SETX: variants seen among roughly 807,000 people sequenced by gnomAD.
The protein encoded by SETX is senataxin.
A neutral mutation model predicts 227.2 loss-of-function variants in SETX; 90 were observed. The ratio of observed to expected loss-of-function variants is 0.40; its 90% CI spans 0.33 to 0.47. The LOEUF (loss-of-function observed/expected upper bound fraction) is 0.47. Among genes scored for constraint, SETX ranks in the 20% least tolerant of loss-of-function variants. SETX has a pLI of 0.91. For synonymous variants in SETX, 1,210 were observed against 1,113.2 expected, an observed-to-expected ratio of 1.09 and a Z score of -1.73; for missense variants, 3,052 against 3,181.5, an observed-to-expected ratio of 0.96 and a Z score of 0.98.
At chr9:132,283,231 T>G (rs201715558) in intron 19 of SETX, 33 bp downstream of exon 19, 19 of 1,613,522 alleles carry the variant, frequency 1.2e-5, no homozygotes, top group Non-Finnish European at 1.6e-5. Context: ...CTCATAGTAG[T>G]AGTCAAAGTT....
chr9:132,303,314 C>T lies in SETX; in HGVS notation c.5375-2511G>A, dbSNP rs974902176. ...CTGAGATTACAAGTATGAACCACTG[C>T]GTCTGACTTCTACCTTTAAAAAAGC... On this transcript the variant is annotated intron_variant, in intron 11 of 25. Transcript: ENST00000224140. Among the ~76,000 whole-genome samples the T allele has an allele frequency of 9.1e-5, 13 of 143,508 alleles. No individual in the cohort carries two copies. The Admixed American group carries it at 9.3e-4, about 10-fold the overall frequency. The allele number at this position is 143,508 out of a possible 152,430, so 94.1% of individuals were successfully genotyped here.
chr9:132,271,252 T>C (rs1262285639), intron 24 of SETX, among the ~76,000 whole-genome samples: 1 of 150,800 alleles, frequency 6.6e-6, no homozygotes, highest in Non-Finnish European at 1.5e-5. Context: ...AGATTCACAC[T>C]ATGAAATGGG....
Position 132,313,231 on chromosome 9 carries a change from T to C in SETX, c.5275-1375A>G, listed in dbSNP as rs535781354. 5.8e-4 allele frequency among the ~76,000 whole-genome samples: 89 copies of C among 152,170 alleles called. 1 individual carries two copies. Among genetic ancestry groups the C allele is most frequent in the Non-Finnish European group, 9.7e-4 (66 of 68,028 alleles). The stretch of plus-strand genomic sequence containing the variant: ...CACCTTAAAAGGGTATATTTTATGG[T>C]ATAGTATACCTTAATAAAGCTGTTA... On this transcript the variant is annotated intron_variant, in intron 10 of 25. Coordinates refer to ENST00000224140, the MANE Select transcript of SETX (RefSeq NM_015046.7).
At chr9:132,281,357 T>G in intron 20 of SETX, 110 bp downstream of exon 20, 1 of 757,430 alleles carries the variant, frequency 1.3e-6, no homozygotes, top group Non-Finnish European at 2.3e-6. Flanking sequence ...ACTGCTTACT[T>G]TTCCCTCCAA....
At chr9:132,316,314 T>C (rs1298438135) in intron 10 of SETX, among the ~76,000 whole-genome samples, 1 of 152,258 alleles carries the variant, frequency 6.6e-6, no homozygotes, top group Non-Finnish European at 1.5e-5. Flanking sequence ...TTTTTTGCTG[T>C]CGATTTACAA....
In SETX at chr9:132,349,306, C is replaced by T. The variant is rs188406893; in HGVS notation, c.123G>A (p.Leu41=). ...CTTTGTGGTACTCAGCCACACACTC[C>T]AAGCAGTAGCAGAGGTCTTCGTCGG... The part of the protein sequence containing the change: ...QTADEDLCYC[L]ECVAEYHKAR... Residue 41 remains leucine (L), a synonymous_variant, in exon 3 of 26, where the codon TTG becomes TTA. Transcript: ENST00000224140. 1.9e-5 allele frequency: 30 copies of T among 1,614,058 alleles called. No individual in the cohort carries two copies. The highest frequency in any genetic ancestry group is 5.0e-5 in the Admixed American group (3 of 60,000).
chr9:132,342,521 C>T (rs999258753), intron 5 of SETX, among the ~76,000 whole-genome samples, 169 bp downstream of exon 5: 4 of 152,178 alleles, frequency 2.6e-5, no homozygotes, highest in African/African-American at 7.2e-5. Flanking sequence ...CCTCTGAGAT[C>T]CCCTCTTCTT....
At chr9:132,311,612 T>A in intron 11 of SETX, 145 bp downstream of exon 11, 2 of 653,146 alleles carry the variant, frequency 3.1e-6, no homozygotes, top group Non-Finnish European at 5.4e-6. Flanking sequence ...ACTATCCTCA[T>A]TAAGACTTTA....
intron 11 of SETX, among the ~76,000 whole-genome samples, chr9:132,304,914 T>C (rs1218169035): frequency 6.6e-6 from 1 of 150,638 alleles, no homozygotes; most frequent in East Asian, 2.0e-4. Flanking sequence ...GGAGAATCGC[T>C]TGAAGCCAGG....
At chr9:132,313,736 T>C (rs997555302) in intron 10 of SETX, among the ~76,000 whole-genome samples, 2 of 151,926 alleles carry the variant, frequency 1.3e-5, no homozygotes, top group Non-Finnish European at 2.9e-5. Flanking sequence ...CAGAGCATTA[T>C]CAAAGTTAAA....
Position 132,326,620 on chromosome 9 carries a change from G to A in SETX, c.4978C>T (p.His1660Tyr), listed in dbSNP as rs1159002597. 3 of 1,614,172 alleles carry A rather than the reference G, an allele frequency of 1.9e-6. No individual in the cohort carries two copies. Among genetic ancestry groups the A allele is most frequent in the Non-Finnish European group, 2.5e-6 (3 of 1,179,996 alleles). The change falls in exon 10 of 26, where the codon CAT becomes TAT. Residue 1660 changes from histidine (H) to tyrosine (Y), a missense_variant. By Grantham distance (83) the His-to-Tyr change is moderately conservative. Around this residue, in one of 10 missense-constraint regions of SETX, gnomAD observed 1,483 missense variants for 1,312.0 expected, o/e 1.13. Transcript: ENST00000224140. Reference protein sequence around the residue: ...GEMKNSCNVLHPQSPNNSNRQ... With the variant: ...GEMKNSCNVLYPQSPNNSNRQ... ...TTGGAATTATTCGGAGACTGAGGATGAAGAACATTGCACGAATTCTTCATT... is the reference window on the plus strand; with the variant it reads ...TTGGAATTATTCGGAGACTGAGGATAAAGAACATTGCACGAATTCTTCATT...
intron 3 of SETX, among the ~76,000 whole-genome samples, chr9:132,347,950 T>C (rs552129478): frequency 1.3e-5 from 2 of 152,202 alleles, no homozygotes; most frequent in African/African-American, 2.4e-5. Flanking sequence ...GCCAAATATT[T>C]AGAATTATAT....
In SETX at chr9:132,327,331, T is replaced by C. The variant is rs1177744707; in HGVS notation, c.4267A>G (p.Thr1423Ala). 3 of 1,614,194 alleles carry C rather than the reference T, an allele frequency of 1.9e-6. No individual in the cohort carries two copies. The highest frequency in any genetic ancestry group is 2.5e-6 in the Non-Finnish European group (3 of 1,180,030). ...LIKCMPSEPE[T>A]IKAKHGSPAT... ...GGAGACCCATGTTTTGCTTTTATGG[T>C]TTCTGGTTCAGAAGGCATGCATTTT... Residue 1423 changes from threonine (T) to alanine (A), a missense_variant, in exon 10 of 26, where the codon ACC becomes GCC. Transcript: ENST00000224140.
rs751428250 is a variant in SETX at position 132,328,016 on chromosome 9, C to A, written c.3582G>T (p.Val1194=). 1 of 1,613,992 alleles carries A rather than the reference C, an allele frequency of 6.2e-7. No individual in the cohort carries two copies. Among genetic ancestry groups the A allele is most frequent in the Non-Finnish European group, 8.5e-7 (1 of 1,179,978 alleles). The change falls in exon 10 of 26, where the codon GTG becomes GTT. Residue 1194 remains valine (V), a synonymous_variant. Coordinates refer to ENST00000224140, the MANE Select transcript of SETX (RefSeq NM_015046.7). ...GQSDTNKRDL[V]GNDFKSIDRR... ...TATCAATACTTTTAAAATCATTTCC[C>A]ACAAGATCTCTCTTATTAGTATCAG...
Position 132,328,068 on chromosome 9 carries a change from G to A in SETX, c.3530C>T (p.Ser1177Leu). 2 of 1,614,138 alleles carry A rather than the reference G, an allele frequency of 1.2e-6. No homozygotes were observed. Among genetic ancestry groups the A allele is most frequent in the Non-Finnish European group, 1.7e-6 (2 of 1,180,028 alleles). Residue 1177 changes from serine to leucine, a missense_variant, in exon 10 of 26, where the codon TCA becomes TTA. Transcript: ENST00000224140. ...CTGGCCCTCATTTCTGACAGAAGAT[G>A]AAGGCCTCACAGGATCTTCAGCCAT... ...KPMAEDPVRP[S>L]SSVRNEGQSD...
rs1847475827 is a variant in SETX at position 132,334,643 on chromosome 9, T to G, written c.803A>C (p.Gln268Pro). ...CCTCTCCATAGTGTGAAGTATCGAT[T>G]GCATAAAATCATTTTGTTTGTCTGA... ...LGSDKQNDFMQSILHTMEREA... is the reference protein window; with the variant it reads ...LGSDKQNDFMPSILHTMEREA... The change falls in exon 7 of 26, where the codon CAA becomes CCA. Residue 268 changes from glutamine (Q) to proline (P), a missense_variant. By Grantham distance (76) the Gln-to-Pro change is moderately conservative. This residue lies in a region of SETX where 239 missense variants were observed against 240.8 expected (regional missense o/e 0.99). Coordinates refer to ENST00000224140, the MANE Select transcript of SETX (RefSeq NM_015046.7). The G allele has an allele frequency of 6.2e-7, 1 of 1,614,118 alleles. No homozygotes were observed. Among genetic ancestry groups the G allele is most frequent in the Non-Finnish European group, 8.5e-7 (1 of 1,179,992 alleles).
chr9:132,300,051 A>C (rs1589675969), intron 12 of SETX, among the ~76,000 whole-genome samples: 1 of 144,862 alleles, frequency 6.9e-6, no homozygotes, highest in South Asian at 2.2e-4. Flanking sequence ...AATCGCTTGA[A>C]CCCAAGAGGC....
rs149546633 is a variant in SETX at position 132,328,617 on chromosome 9, T to A, written c.2981A>T (p.Asp994Val). Residue 994 changes from aspartate to valine, a missense_variant, in exon 10 of 26, where the codon GAT (aspartate) becomes GTT (valine). Physicochemically the swap from Asp to Val is radical, Grantham distance 152 (BLOSUM62 -3). Around this residue, in one of 10 missense-constraint regions of SETX, gnomAD observed 1,483 missense variants for 1,312.0 expected, o/e 1.13. Transcript: ENST00000224140. The stretch of plus-strand genomic sequence containing the variant: ...TTGGTTAGCTGTGAAACATCTTTTA[T>A]CTTCTTTTACTTTCCTTTGCAGCTG... ...SSQLQRKVKE[D>V]KRCFTANQNN... 6.2e-7 allele frequency: 1 copy of A among 1,613,646 alleles called. No homozygotes were observed. The highest frequency in any genetic ancestry group is 1.7e-5 in the Admixed American group (1 of 59,930).
rs778882347 is a variant in SETX, at chr9:132,328,756, G to A, written c.2842C>T (p.Pro948Ser). 4.3e-6 allele frequency: 7 copies of A among 1,612,312 alleles called. No homozygotes were observed. The highest frequency in any genetic ancestry group is 5.9e-6 in the Non-Finnish European group (7 of 1,179,338). ...GAATCCGTTAAGGTGTCAGATTTAG[G>A]ACTGATGTCAGGGGCCTGTTCTCTT... The part of the protein sequence containing the change: ...LTREQAPDIS[P>S]KSDTLTDSQI... The change falls in exon 10 of 26, where the codon CCT (proline) becomes TCT (serine). Residue 948 changes from proline to serine, a missense_variant. Coordinates refer to ENST00000224140, the MANE Select transcript of SETX (RefSeq NM_015046.7).
Sources: gnomAD v4.1 joint callset for allele counts (sites outside exome capture counted in the v4.1 genomes callset) on GRCh38, gnomAD v4.1.1 for gene constraint, gnomAD v4.1.1 regional missense constraint, MANE v1.5 for transcripts, NCBI Gene and HGNC (gene_info 2026-07-23, HGNC 2026-07-21) for gene names.